The following CCDC62 variants were observed in gnomAD, a reference collection of about 807,000 sequenced individuals.
CCDC62 encodes coiled-coil domain-containing protein 62.
CCDC62 carries 72 observed loss-of-function variants against 80.8 expected under a neutral mutation model. That is an observed-to-expected ratio of 0.89 (90% CI 0.74 to 1.08). CCDC62 has a LOEUF of 1.08. Ranked by LOEUF, CCDC62 falls within the 50% of genes least tolerant of loss-of-function variation. CCDC62 has a pLI of 0.00. For synonymous variants in CCDC62, 286 were observed against 296.5 expected (o/e 0.96, Z 0.36); for missense variants, 704 against 809.4 (o/e 0.87, Z 1.58).
intron 5 of CCDC62, among the ~76,000 whole-genome samples, chr12:122,791,718 G>A (rs1416535144): frequency 1.3e-5 from 2 of 152,236 alleles, no homozygotes; most frequent in Non-Finnish European, 2.9e-5. Flanking sequence ...CAAAGTGCTG[G>A]GATTATAGGC....
intron 3 of CCDC62, among the ~76,000 whole-genome samples, chr12:122,783,314 G>A (rs1036091671): frequency 6.8e-6 from 1 of 148,038 alleles, no homozygotes; most frequent in Admixed American, 6.8e-5. Context: ...TGCAAGCTCC[G>A]CCTCCCGGGT....
chr12:122,778,657 A>G (rs1336022672), intron 2 of CCDC62, among the ~76,000 whole-genome samples: 6 of 152,130 alleles, frequency 3.9e-5, no homozygotes, highest in Non-Finnish European at 5.9e-5. Flanking sequence ...AGGCAGGCGG[A>G]TCACTTGAGG....
At chr12:122,777,371 AC>A in intron 1 of CCDC62, 119 bp from the exon 2 acceptor site, 1 of 762,676 alleles carries the variant, frequency 1.3e-6, no homozygotes, top group Non-Finnish European at 2.1e-6. Context: ...TGTTATTAAA[AC>A]TTAATTGAAC....
intron 9 of CCDC62, among the ~76,000 whole-genome samples, chr12:122,805,136 C>T (rs1037543569): frequency 6.1e-5 from 9 of 147,304 alleles, no homozygotes; most frequent in Admixed American, 2.1e-4. Flanking sequence ...CAGCTCTCCT[C>T]GGCCTCCCAA....
chr12:122,825,197 T>A (rs11060211), intron 12 of CCDC62, among the ~76,000 whole-genome samples: 144,877 of 152,090 alleles, frequency 0.95, 69,047 homozygotes, highest in East Asian at 0.98. Context: ...TGTTTTTGAG[T>A]TGGAGTCTTG....
At position 122,801,238 on chromosome 12, in the gene CCDC62, G is replaced by A. The variant is rs61735889; in HGVS notation, c.1092G>A (p.Gln364=). ...AGAAATTTGAAGCCATGTTGGTTCA[G>A]CAAAATAGGTCAGACAAGAGCTCTT... ...KDQKFEAMLV[Q]QNRSDKSSCD... The change falls in exon 9 of 13, where the codon CAG becomes CAA. Residue 364 remains glutamine (Q), a synonymous_variant. Coordinates refer to ENST00000253079, the MANE Select transcript of CCDC62 (RefSeq NM_201435.5). The A allele has an allele frequency of 2.3e-3, 3,655 of 1,614,118 alleles. 65 individuals are homozygous for A. In the African/African-American group the frequency reaches 0.039, roughly 17 times the overall value.
rs2030274525 is a variant in CCDC62 at position 122,786,852 on chromosome 12, C to T, written c.498+1032C>T. Among the ~76,000 whole-genome samples, 3 of 151,952 alleles carry T rather than the reference C, an allele frequency of 2.0e-5. No homozygotes were observed. In the South Asian group the frequency reaches 6.2e-4, roughly 32 times the overall value. On this transcript the variant is annotated intron_variant, in intron 4 of 12. Coordinates refer to ENST00000253079, the MANE Select transcript of CCDC62 (RefSeq NM_201435.5). Reference sequence around the variant, plus strand: ...GCGGGCGCCTGTAGTCCCAGCTACTCGGGAGGCTGAGGCAGGAAAATGGCA... The same window carrying T: ...GCGGGCGCCTGTAGTCCCAGCTACTTGGGAGGCTGAGGCAGGAAAATGGCA...
intron 3 of CCDC62, among the ~76,000 whole-genome samples, chr12:122,781,866 T>C (rs1451054957): frequency 1.3e-5 from 2 of 151,254 alleles, no homozygotes; most frequent in Non-Finnish European, 2.9e-5. Context: ...GGCAAATGCC[T>C]GTCTCTATAA....
chr12:122,815,570 C>T (rs1317307529), intron 11 of CCDC62, among the ~76,000 whole-genome samples: 1 of 152,164 alleles, frequency 6.6e-6, no homozygotes, highest in Non-Finnish European at 1.5e-5. Flanking sequence ...CCTCAGCCTC[C>T]CGAGTAGCTG....
chr12:122,774,731 G>A, intron 1 of CCDC62, 25 bp downstream of exon 1: 1 of 1,245,804 alleles, frequency 8.0e-7, no homozygotes, highest in Non-Finnish European at 1.0e-6. Flanking sequence ...CGGGCGCGGC[G>A]GGGCGCCGCG....
intron 11 of CCDC62, among the ~76,000 whole-genome samples, chr12:122,822,855 G>A (rs549230085): frequency 2.6e-5 from 4 of 152,080 alleles, no homozygotes; most frequent in Non-Finnish European, 5.9e-5. Context: ...TATATACTAC[G>A]TTTTCCTGAT....
At chr12:122,786,953 G>A (rs373797277) in intron 4 of CCDC62, among the ~76,000 whole-genome samples, 6 of 151,914 alleles carry the variant, frequency 3.9e-5, no homozygotes, top group South Asian at 2.1e-4. Context: ...GCGAGACTCC[G>A]TCTCAAAAAA....
chr12:122,812,945 C>G (rs1299427409), intron 10 of CCDC62, among the ~76,000 whole-genome samples: 4 of 152,024 alleles, frequency 2.6e-5, no homozygotes, highest in African/African-American at 9.7e-5. Context: ...CGCCTATAAC[C>G]CCAGCACTTT....
chr12:122,820,061 C>CAAAAAAAAAAAAAAAAAAAAAA (rs34620795), intron 11 of CCDC62, among the ~76,000 whole-genome samples: 6 of 58,078 alleles, frequency 1.0e-4, no homozygotes, highest in Non-Finnish European at 1.4e-4. Context: ...GATCCTGTCT[C>CAAAAAAAAAAAAAAAAAAAAAA]AAAAAAAAAA....
intron 3 of CCDC62, among the ~76,000 whole-genome samples, chr12:122,784,923 G>A (rs955831327): frequency 6.6e-6 from 1 of 152,140 alleles, no homozygotes; most frequent in Non-Finnish European, 1.5e-5. Flanking sequence ...CAGATCACCC[G>A]AAGTCAAGAG....
intron 11 of CCDC62, 52 bp downstream of exon 11, chr12:122,813,471 T>C: frequency 6.6e-7 from 1 of 1,522,458 alleles, no homozygotes; most frequent in Non-Finnish European, 8.9e-7. Context: ...AACACACCAC[T>C]GAACACCAGT....
chr12:122,794,663 A>C (rs966170918), intron 6 of CCDC62, among the ~76,000 whole-genome samples: 1 of 152,184 alleles, frequency 6.6e-6, no homozygotes, highest in African/African-American at 2.4e-5. Flanking sequence ...AAAAGAATTT[A>C]TTTATTTAGT....
rs540522646 is a variant in CCDC62, at chr12:122,812,437, C to T, written c.1852-833C>T. 9.2e-4 allele frequency among the ~76,000 whole-genome samples: 69 copies of T among 74,700 alleles called. No individual in the cohort carries two copies. In the East Asian group the frequency reaches 0.011, roughly 12 times the overall value. 49.0% of individuals were successfully genotyped at this position (74,700 alleles called of 152,430 possible). On this transcript the variant is annotated intron_variant, in intron 10 of 12. Transcript: ENST00000253079. The stretch of plus-strand genomic sequence containing the variant: ...AGCCTAGGCAACAAGAGCAAAACTC[C>T]GTCTCAAAAAAAAAAAAAAGAGGCC...
chr12:122,782,049 T>C (rs1176680109), intron 3 of CCDC62, among the ~76,000 whole-genome samples: 4 of 144,658 alleles, frequency 2.8e-5, no homozygotes, highest in Admixed American at 6.9e-5. Context: ...AAAAAGCGTA[T>C]GTAAGCCAAG....
Sources: allele counts gnomAD v4.1 joint callset (sites outside exome capture counted in the v4.1 genomes callset), GRCh38; gene constraint gnomAD v4.1.1; transcripts MANE v1.5; gene names NCBI Gene and HGNC (gene_info 2026-07-23, HGNC 2026-07-21).